FRMD4B: variants seen among roughly 807,000 people sequenced by gnomAD.
The protein encoded by FRMD4B is FERM domain containing 4B, also known as FERM domain-containing protein 4B.
Under a neutral mutation model 141.5 loss-of-function variants are expected in FRMD4B, and 74 were observed. That is an observed-to-expected ratio of 0.52 (90% CI 0.43 to 0.63). The LOEUF (loss-of-function observed/expected upper bound fraction) is 0.63, where lower values mean the gene tolerates loss of function less well. FRMD4B is among the 30% of genes least tolerant of loss of function. The pLI is 0.00. For missense variants in FRMD4B, 1,366 were observed against 1,253.4 expected (o/e 1.09, Z -1.36); for synonymous variants, 506 against 467.9 (o/e 1.08, Z -1.05).
At chr3:69,367,367 T>C (rs561486558) in intron 1 of FRMD4B, among the ~76,000 whole-genome samples, 87 of 152,196 alleles carry the variant, frequency 5.7e-4, no homozygotes, top group Non-Finnish European at 1.1e-3. Context: ...ATTTGGGCTA[T>C]ACATGTCCAG....
At chr3:69,191,369 G>A (rs57671407) in intron 17 of FRMD4B, among the ~76,000 whole-genome samples, 7,148 of 152,144 alleles carry the variant, frequency 0.047, 510 homozygotes, top group East Asian at 0.28. Flanking sequence ...GCAGTGAGCC[G>A]AGATCATGCC....
chr3:69,226,282 A>G (rs983734067), intron 7 of FRMD4B, among the ~76,000 whole-genome samples: 1 of 152,192 alleles, frequency 6.6e-6, no homozygotes, highest in African/African-American at 2.4e-5. Context: ...CACACTGACA[A>G]TCTTGGGAAA....
chr3:69,256,315 A>G (rs534493471), intron 5 of FRMD4B, among the ~76,000 whole-genome samples: 3 of 152,026 alleles, frequency 2.0e-5, no homozygotes, highest in Non-Finnish European at 2.9e-5. Context: ...ACAAATCCAC[A>G]CTGTTTTTGT....
chr3:69,413,031 A>C (rs751963805), intron 2 of FRMD4B, among the ~76,000 whole-genome samples: 2 of 151,586 alleles, frequency 1.3e-5, no homozygotes, highest in Non-Finnish European at 2.9e-5. Context: ...TAGTCTATTC[A>C]TACCTCTATT....
At chr3:69,414,071 A>G (rs1400031454) in intron 2 of FRMD4B, among the ~76,000 whole-genome samples, 5 of 152,190 alleles carry the variant, frequency 3.3e-5, no homozygotes, top group African/African-American at 1.2e-4. Context: ...CTCAAAACAC[A>G]TATGTTCCCA....
Position 69,400,679 on chromosome 3 carries a change from C to A in FRMD4B, c.-1+31955G>T, listed in dbSNP as rs149145087. Among the ~76,000 whole-genome samples the A allele has an allele frequency of 5.0e-3, 769 of 152,288 alleles. 9 individuals carry two copies. Among genetic ancestry groups the A allele is most frequent in the African/African-American group, 0.018 (749 of 41,554 alleles). The stretch of plus-strand genomic sequence containing the variant: ...GGGCAAGGTCTCTGGATGTGACCTA[C>A]CTTACTCTTAATGACTTACCTTACT... On this transcript the variant is annotated intron_variant, in intron 2 of 5. Coordinates refer to the FRMD4B transcript ENST00000459638.
chr3:69,480,321 T>C (rs1456197465), intron 1 of FRMD4B, among the ~76,000 whole-genome samples: 3 of 152,214 alleles, frequency 2.0e-5, no homozygotes, highest in Non-Finnish European at 2.9e-5. Context: ...CTCTGTTTTT[T>C]CCCCATCTTT....
intron 2 of FRMD4B, among the ~76,000 whole-genome samples, chr3:69,420,896 T>C (rs1019829525): frequency 2.6e-4 from 39 of 152,298 alleles, no homozygotes; most frequent in African/African-American, 8.7e-4. Flanking sequence ...AACAATATGT[T>C]ACCAGATGCG....
intron 1 of FRMD4B, among the ~76,000 whole-genome samples, chr3:69,365,650 T>A (rs79452385): frequency 2.6e-5 from 4 of 151,740 alleles, no homozygotes; most frequent in South Asian, 2.1e-4. Flanking sequence ...ACATGCGCAC[T>A]TCACCACGCC....
At position 69,311,138 on chromosome 3, in the gene FRMD4B, C is replaced by T. The variant is rs11128122; in HGVS notation, c.323+125G>A. 7 of 504,860 alleles carry T rather than the reference C, an allele frequency of 1.4e-5. No individual in the cohort carries two copies. In the South Asian group the frequency reaches 1.5e-4, roughly 11 times the overall value. The allele number at this position is 504,860 out of a possible 1,614,324, so 31.3% of individuals were successfully genotyped here. ...AGGAGAAAAATCGCATATTAAAAAACCTTTAGCTAAGCAGGACATGTTCTG... is the reference window on the plus strand; with the variant it reads ...AGGAGAAAAATCGCATATTAAAAAATCTTTAGCTAAGCAGGACATGTTCTG... On this transcript the variant is annotated intron_variant, in intron 3 of 22. Transcript: ENST00000398540.
chr3:69,279,573 C>T (rs1319054853), intron 5 of FRMD4B, among the ~76,000 whole-genome samples: 2 of 152,108 alleles, frequency 1.3e-5, no homozygotes, highest in Non-Finnish European at 2.9e-5. Context: ...GATCTTCTTG[C>T]CCCAGCCTCC....
intron 1 of FRMD4B, among the ~76,000 whole-genome samples, chr3:69,384,456 G>C (rs1015680060): frequency 1.3e-5 from 2 of 152,054 alleles, no homozygotes; most frequent in African/African-American, 4.8e-5. Context: ...TTATTCTACA[G>C]ACCAAACTGA....
chr3:69,323,999 G>A (rs1371021376), intron 1 of FRMD4B, among the ~76,000 whole-genome samples: 5 of 152,062 alleles, frequency 3.3e-5, no homozygotes, highest in Non-Finnish European at 7.3e-5. Flanking sequence ...GCTGGTTCAG[G>A]CCACTGTCTC....
At chr3:69,357,836 G>C (rs1194412494) in intron 1 of FRMD4B, among the ~76,000 whole-genome samples, 1 of 152,152 alleles carries the variant, frequency 6.6e-6, no homozygotes, top group Admixed American at 6.5e-5. Context: ...CCTAAATTTA[G>C]TGAGGTTTGC....
chr3:69,513,820 A>G (rs1046829441), intron 1 of FRMD4B, among the ~76,000 whole-genome samples: 3 of 152,192 alleles, frequency 2.0e-5, no homozygotes, highest in South Asian at 2.1e-4. Context: ...AATCAACTCA[A>G]TCAATGCAGA....
intron 9 of FRMD4B, among the ~76,000 whole-genome samples, chr3:69,221,024 G>A (rs1344860290): frequency 6.6e-6 from 1 of 151,392 alleles, no homozygotes; most frequent in Non-Finnish European, 1.5e-5. Flanking sequence ...GTGCAATGGT[G>A]CAATCACGGC....
upstream of FRMD4B, chr3:69,386,160 G>T (rs1019471442): frequency 4.9e-6 from 3 of 610,060 alleles, no homozygotes; most frequent in Non-Finnish European, 8.2e-6. Context: ...CCGGCGGCAT[G>T]CCCTGGGATT....
At chr3:69,512,613 C>T (rs1357194486) in intron 1 of FRMD4B, among the ~76,000 whole-genome samples, 1 of 152,042 alleles carries the variant, frequency 6.6e-6, no homozygotes, top group Non-Finnish European at 1.5e-5. Context: ...CGTGGTTGCT[C>T]CAGATATTAT....
chr3:69,245,396 G>C (rs1415571677), intron 7 of FRMD4B, among the ~76,000 whole-genome samples: 1 of 151,638 alleles, frequency 6.6e-6, no homozygotes, highest in African/African-American at 2.4e-5. Context: ...CTGGAGTGCA[G>C]TGGAACGATC....
Sources: allele counts gnomAD v4.1 joint callset (sites outside exome capture counted in the v4.1 genomes callset), GRCh38; gene constraint gnomAD v4.1.1; transcripts MANE v1.5; gene names NCBI Gene and HGNC (gene_info 2026-07-23, HGNC 2026-07-21).